ENOX1: variants seen among roughly 807,000 people sequenced by gnomAD.
ENOX1 encodes candidate growth-related and time keeping constitutive hydroquinone (NADH) oxidase.
A neutral mutation model predicts 82.5 loss-of-function variants in ENOX1; 42 were observed. The observed-to-expected ratio is 0.51, with a 90% confidence interval of 0.40 to 0.66. The LOEUF is 0.66. ENOX1 is among the 30% of genes least tolerant of loss of function. ENOX1 has a pLI of 0.00. For missense variants in ENOX1, 608 were observed against 811.6 expected (o/e 0.75, Z 3.05); for synonymous variants, 271 against 282.2 (o/e 0.96, Z 0.40).
chr13:43,632,499 G>A (rs2083259782), intron 2 of ENOX1, among the ~76,000 whole-genome samples: 1 of 151,594 alleles, frequency 6.6e-6, no homozygotes, highest in Non-Finnish European at 1.5e-5. Context: ...AGGCTGGAGT[G>A]CAGTGGTGTG....
intron 1 of ENOX1, among the ~76,000 whole-genome samples, chr13:43,771,603 C>T (rs1951605535): frequency 6.6e-6 from 1 of 151,992 alleles, no homozygotes; most frequent in South Asian, 2.1e-4. Context: ...AGTGACAGGT[C>T]TAAGAGGTAA....
At chr13:43,670,312 T>C (rs2085197627) in intron 1 of ENOX1, among the ~76,000 whole-genome samples, 1 of 152,204 alleles carries the variant, frequency 6.6e-6, no homozygotes, top group African/African-American at 2.4e-5. Flanking sequence ...CATATAGTCT[T>C]TGAACTGCAG....
intron 2 of ENOX1, among the ~76,000 whole-genome samples, chr13:43,601,878 A>G (rs1356584266): frequency 6.6e-6 from 1 of 152,174 alleles, no homozygotes; most frequent in African/African-American, 2.4e-5. Context: ...TTTATAGGCC[A>G]GAAGAGTGTG....
chr13:43,523,542 T>C (rs571955677), intron 2 of ENOX1, among the ~76,000 whole-genome samples: 1 of 152,296 alleles, frequency 6.6e-6, no homozygotes, highest in Admixed American at 6.5e-5. Context: ...GATCAATGAC[T>C]TTTTAACCAC....
intron 5 of ENOX1, among the ~76,000 whole-genome samples, chr13:43,410,885 A>G (rs2054088908): frequency 6.6e-6 from 1 of 152,206 alleles, no homozygotes. Context: ...TGACTACTGC[A>G]TAATACCTGG....
At chr13:43,299,300 C>A (rs1290344868) in intron 11 of ENOX1, among the ~76,000 whole-genome samples, 1 of 152,084 alleles carries the variant, frequency 6.6e-6, no homozygotes, top group Non-Finnish European at 1.5e-5. Flanking sequence ...GAAAAAGAAA[C>A]AAATGGTACC....
intron 2 of ENOX1, among the ~76,000 whole-genome samples, chr13:43,636,943 A>C (rs1459459752): frequency 6.6e-6 from 1 of 152,238 alleles, no homozygotes. Flanking sequence ...GGTTTGGAAC[A>C]TAAGTCCTGT....
chr13:43,477,950 A>G (rs2058353638), intron 3 of ENOX1, among the ~76,000 whole-genome samples: 1 of 151,760 alleles, frequency 6.6e-6, no homozygotes. Context: ...CAAGGAGCTC[A>G]TTCACTGGGT....
intron 12 of ENOX1, among the ~76,000 whole-genome samples, chr13:43,270,740 G>A (rs1348122337): frequency 6.6e-6 from 1 of 152,192 alleles, no homozygotes; most frequent in African/African-American, 2.4e-5. Context: ...GGGTATAAAT[G>A]TAAGAACCTA....
intron 1 of ENOX1, among the ~76,000 whole-genome samples, chr13:43,735,563 T>A (rs547712777): frequency 6.6e-5 from 10 of 151,852 alleles, no homozygotes; most frequent in Admixed American, 1.3e-4. Context: ...CTACTAAAAA[T>A]ACAAAAAATT....
At chr13:43,501,745 A>G (rs138799317) in intron 2 of ENOX1, among the ~76,000 whole-genome samples, 46 of 151,184 alleles carry the variant, frequency 3.0e-4, no homozygotes, top group African/African-American at 9.9e-4. Context: ...TGGATGCATC[A>G]AAAGAAATAA....
intron 1 of ENOX1, among the ~76,000 whole-genome samples, chr13:43,724,541 A>G (rs1399862013): frequency 6.6e-6 from 1 of 152,216 alleles, no homozygotes; most frequent in Non-Finnish European, 1.5e-5. Context: ...CACAAGGACC[A>G]TTTTACTCAT....
At chr13:43,506,172 A>G (rs2077154248) in intron 2 of ENOX1, among the ~76,000 whole-genome samples, 2 of 151,960 alleles carry the variant, frequency 1.3e-5, no homozygotes, top group Non-Finnish European at 2.9e-5. Context: ...GTATAGTTTG[A>G]AGTCAGGTAG....
intron 2 of ENOX1, among the ~76,000 whole-genome samples, chr13:43,587,480 C>A (rs2081050526): frequency 1.3e-5 from 2 of 152,208 alleles, no homozygotes; most frequent in African/African-American, 4.8e-5. Context: ...ATCATGTTCA[C>A]CTTCTTGATA....
intron 8 of ENOX1, among the ~76,000 whole-genome samples, chr13:43,349,756 G>T: frequency 6.6e-6 from 1 of 152,220 alleles, no homozygotes; most frequent in East Asian, 1.9e-4. Context: ...AAACTGGTTA[G>T]GAGCTGACCA....
At chr13:43,380,761 G>T (rs2051985362) in intron 5 of ENOX1, among the ~76,000 whole-genome samples, 1 of 151,678 alleles carries the variant, frequency 6.6e-6, no homozygotes, top group African/African-American at 2.4e-5. Flanking sequence ...AAGGGGGCAT[G>T]CTAATATTAG....
chr13:43,377,253 C>G (rs1398561097), intron 5 of ENOX1, among the ~76,000 whole-genome samples: 1 of 151,994 alleles, frequency 6.6e-6, no homozygotes, highest in Non-Finnish European at 1.5e-5. Flanking sequence ...AAGGTCAGTC[C>G]CCACTCTCTC....
intron 3 of ENOX1, chr13:43,459,623 A>C (rs529066308): frequency 2.0e-5 from 3 of 152,308 alleles, no homozygotes; most frequent in Non-Finnish European, 4.4e-5. Context: ...CCAGAAAATG[A>C]TCTAGGAGCC....
chr13:43,224,531 C>T (rs1375503076), intron 15 of ENOX1, among the ~76,000 whole-genome samples: 1 of 152,158 alleles, frequency 6.6e-6, no homozygotes, highest in Non-Finnish European at 1.5e-5. Flanking sequence ...GAAAATGGCT[C>T]ATACAACTGT....
Sources: allele counts gnomAD v4.1 joint callset (sites outside exome capture counted in the v4.1 genomes callset), GRCh38; gene constraint gnomAD v4.1.1; transcripts MANE v1.5; gene names NCBI Gene and HGNC (gene_info 2026-07-23, HGNC 2026-07-21).